Variants in DAB1 observed in about 807,000 individuals in gnomAD.
The protein encoded by DAB1 is disabled homolog 1.
Under a neutral mutation model 64.6 loss-of-function variants are expected in DAB1, and 15 were observed. The ratio of observed to expected loss-of-function variants is 0.23; its 90% CI spans 0.16 to 0.36. DAB1 has a LOEUF of 0.36. Ranked by LOEUF, DAB1 falls within the 10% of genes least tolerant of loss-of-function variation. The probability of loss-of-function intolerance (pLI) is 1.00; values close to 1 mark genes in which losing one functional copy is unlikely to be tolerated. For missense variants in DAB1, 596 were observed against 706.7 expected (o/e 0.84, Z 1.78); for synonymous variants, 235 against 251.9 (o/e 0.93, Z 0.64).
At chr1:58,378,980 G>T (rs1049440700) in intron 3 of DAB1, among the ~76,000 whole-genome samples, 2 of 145,072 alleles carry the variant, frequency 1.4e-5, no homozygotes, top group Non-Finnish European at 3.0e-5. Flanking sequence ...GACTCGGAAA[G>T]GGAACTCCCT....
At chr1:57,805,313 C>A (rs1479156447) in intron 6 of DAB1, among the ~76,000 whole-genome samples, 1 of 152,148 alleles carries the variant, frequency 6.6e-6, no homozygotes, top group Non-Finnish European at 1.5e-5. Context: ...GAGAGATCAA[C>A]AAGGGGCAGA....
chr1:57,399,021 C>T (rs955624737), intron 1 of DAB1, among the ~76,000 whole-genome samples: 1 of 152,214 alleles, frequency 6.6e-6, no homozygotes, highest in Non-Finnish European at 1.5e-5. Context: ...CTTTTCACAG[C>T]TCTTCCTTCC....
intron 3 of DAB1, among the ~76,000 whole-genome samples, chr1:58,461,057 A>T (rs1645238615): frequency 6.6e-6 from 1 of 152,230 alleles, no homozygotes; most frequent in South Asian, 2.1e-4. Context: ...TCTGTACCAG[A>T]TAGAGTTTCA....
intron 1 of DAB1, among the ~76,000 whole-genome samples, chr1:57,301,284 G>T (rs892022046): frequency 1.3e-5 from 2 of 152,122 alleles, no homozygotes; most frequent in Admixed American, 1.3e-4. Context: ...GCCTCCCAGG[G>T]CAGAGTCTGA....
intron 6 of DAB1, among the ~76,000 whole-genome samples, chr1:57,685,724 T>C (rs1038765556): frequency 2.6e-5 from 4 of 151,840 alleles, no homozygotes; most frequent in African/African-American, 9.7e-5. Context: ...CAGATCACAG[T>C]GCAATAAAAA....
At chr1:57,678,861 G>T (rs1646602281) in intron 6 of DAB1, among the ~76,000 whole-genome samples, 1 of 150,180 alleles carries the variant, frequency 6.7e-6, no homozygotes, top group South Asian at 2.1e-4. Flanking sequence ...TCGCCTCCCG[G>T]GTTCACACCA....
intron 2 of DAB1, among the ~76,000 whole-genome samples, chr1:57,267,779 A>G (rs1670699212): frequency 6.6e-6 from 1 of 152,180 alleles, no homozygotes; most frequent in South Asian, 2.1e-4. Context: ...CCACTCCAAA[A>G]CACATATCGG....
intron 4 of DAB1, among the ~76,000 whole-genome samples, chr1:58,252,211 G>C (rs933150956): frequency 6.6e-6 from 1 of 152,162 alleles, no homozygotes; most frequent in African/African-American, 2.4e-5. Flanking sequence ...TAACCCTTCT[G>C]TCCTGTCCAG....
intron 7 of DAB1, among the ~76,000 whole-genome samples, chr1:57,463,611 T>C (rs1686859994): frequency 6.6e-6 from 1 of 152,200 alleles, no homozygotes; most frequent in African/African-American, 2.4e-5. Context: ...CCTTGCACAG[T>C]TTCTTCGTGA....
intron 4 of DAB1, among the ~76,000 whole-genome samples, chr1:58,193,954 C>T (rs546584211): frequency 1.3e-4 from 20 of 152,122 alleles, no homozygotes; most frequent in African/African-American, 4.6e-4. Flanking sequence ...AACACAAGAA[C>T]CAAATTCAAA....
At chr1:57,811,421 G>T (rs1651616388) in intron 6 of DAB1, among the ~76,000 whole-genome samples, 1 of 152,146 alleles carries the variant, frequency 6.6e-6, no homozygotes, top group Non-Finnish European at 1.5e-5. Context: ...CTCCTGCTCA[G>T]CCATGTGAAG....
chr1:58,300,638 GAGAGAGAGAGGAAGGAAGGAAGGA>G (rs1293751393), intron 4 of DAB1, among the ~76,000 whole-genome samples: 41 of 61,774 alleles, frequency 6.6e-4, no homozygotes, highest in African/African-American at 1.8e-3. Context: ...GAGAGAGAGA[GAGAGAGAGAGGAAGGAAGGAAGGA>G]AGGAAGGAAG....
intron 4 of DAB1, among the ~76,000 whole-genome samples, chr1:57,096,118 T>C (rs1654139131): frequency 6.6e-6 from 1 of 152,196 alleles, no homozygotes; most frequent in East Asian, 1.9e-4. Context: ...TTATCTATAG[T>C]TAACTGATAG....
At chr1:57,185,815 T>C (rs1663492841) in intron 2 of DAB1, among the ~76,000 whole-genome samples, 1 of 152,164 alleles carries the variant, frequency 6.6e-6, no homozygotes, top group Non-Finnish European at 1.5e-5. Flanking sequence ...AGCTAGGAAG[T>C]ACCAGGACAC....
In DAB1 at chr1:58,404,438, C is replaced by T. The variant is rs11207218; in HGVS notation, n.258-61035G>A. On this transcript the variant is annotated intron_variant and non_coding_transcript_variant, in intron 3 of 20. Transcript: ENST00000485760. ...GTCCTGGATTCTATAGGTCTCATCT[C>T]TCTAATCATCAGGACCGATCATGTG... Among the ~76,000 whole-genome samples the T allele has an allele frequency of 5.8e-3, 884 of 152,330 alleles. 10 individuals carry two copies. Among genetic ancestry groups the T allele is most frequent in the African/African-American group, 0.02 (849 of 41,574 alleles).
chr1:57,131,869 T>C (rs1657677168), intron 4 of DAB1, among the ~76,000 whole-genome samples: 2 of 152,258 alleles, frequency 1.3e-5, no homozygotes, highest in South Asian at 4.2e-4. Context: ...TTTTATGTAG[T>C]AAGTATTAGC....
chr1:57,236,957 C>T (rs1668129763), intron 2 of DAB1, among the ~76,000 whole-genome samples: 1 of 152,144 alleles, frequency 6.6e-6, no homozygotes, highest in South Asian at 2.1e-4. Context: ...TAAAATGTGG[C>T]AAGCACAACT....
chr1:57,476,115 A>G (rs573795241), intron 7 of DAB1, among the ~76,000 whole-genome samples: 12 of 151,818 alleles, frequency 7.9e-5, no homozygotes, highest in Non-Finnish European at 1.8e-4. Context: ...AGTCCCAGCT[A>G]CTCAGAAGGC....
chr1:57,969,384 C>G (rs1338658090), intron 5 of DAB1, among the ~76,000 whole-genome samples: 5 of 151,926 alleles, frequency 3.3e-5, no homozygotes, highest in Non-Finnish European at 7.4e-5. Flanking sequence ...ACTCTGTCAC[C>G]CAGGCTGGAG....
Sources: gnomAD v4.1 joint callset for allele counts (sites outside exome capture counted in the v4.1 genomes callset) on GRCh38, gnomAD v4.1.1 for gene constraint, MANE v1.5 for transcripts, NCBI Gene and HGNC (gene_info 2026-07-23, HGNC 2026-07-21) for gene names.